Variants in NELL2 observed in about 807,000 individuals in gnomAD.
The protein encoded by NELL2 is protein kinase C-binding protein NELL2.
A neutral mutation model predicts 109.6 loss-of-function variants in NELL2; 41 were observed. The observed-to-expected ratio is 0.37, with a 90% CI of 0.29 to 0.49. The LOEUF (loss-of-function observed/expected upper bound fraction) is 0.49. Among genes scored for constraint, NELL2 ranks in the 20% least tolerant of loss-of-function variants. The pLI is 0.98. For missense variants in NELL2, 900 were observed against 1,008.3 expected, an observed-to-expected ratio of 0.89 and a Z score of 1.45; for synonymous variants, 355 against 344.7, an observed-to-expected ratio of 1.03 and a Z score of -0.33.
intron 2 of NELL2, among the ~76,000 whole-genome samples, chr12:44,822,928 A>T (rs1261652430): frequency 6.6e-6 from 1 of 152,104 alleles, no homozygotes. Flanking sequence ...ATACATAGTT[A>T]ACAAAGAAAG....
chr12:44,613,928 C>G (rs1011090258), intron 13 of NELL2, among the ~76,000 whole-genome samples: 2 of 151,968 alleles, frequency 1.3e-5, no homozygotes, highest in African/African-American at 2.4e-5. Flanking sequence ...CTAGTACTTC[C>G]TCCAATACTT....
At chr12:44,772,158 T>C (rs1941576398) in intron 9 of NELL2, among the ~76,000 whole-genome samples, 1 of 152,158 alleles carries the variant, frequency 6.6e-6, no homozygotes, top group African/African-American at 2.4e-5. Context: ...GTAAAAAACA[T>C]AGGAATTTAC....
intron 15 of NELL2, among the ~76,000 whole-genome samples, chr12:44,537,712 T>A (rs1942359925): frequency 6.6e-6 from 1 of 152,158 alleles, no homozygotes; most frequent in Non-Finnish European, 1.5e-5. Context: ...ACATTTTTTT[T>A]AATCAAAAGG....
chr12:44,778,936 A>G (rs1264768357), intron 5 of NELL2, among the ~76,000 whole-genome samples: 1 of 152,206 alleles, frequency 6.6e-6, no homozygotes, highest in Non-Finnish European at 1.5e-5. Context: ...CTACCTTGAA[A>G]TCTATGAGTT....
At chr12:44,921,395 A>G (rs1389590785) in intron 1 of NELL2, among the ~76,000 whole-genome samples, 1 of 152,184 alleles carries the variant, frequency 6.6e-6, no homozygotes, top group African/African-American at 2.4e-5. Flanking sequence ...GCAGAGGTCT[A>G]TAACAAGTTC....
chr12:44,867,540 G>T (rs1205010395), intron 2 of NELL2, among the ~76,000 whole-genome samples: 2 of 152,162 alleles, frequency 1.3e-5, no homozygotes, highest in Admixed American at 1.3e-4. Context: ...GTAAAAAGTT[G>T]AAAGTTTTTC....
chr12:44,631,820 C>A (rs1946466570), intron 13 of NELL2, among the ~76,000 whole-genome samples: 1 of 152,096 alleles, frequency 6.6e-6, no homozygotes, highest in South Asian at 2.1e-4. Context: ...CATTTCTCAA[C>A]TTATTCTGTC....
intron 2 of NELL2, among the ~76,000 whole-genome samples, chr12:44,845,699 G>C (rs967878856): frequency 6.6e-6 from 1 of 152,120 alleles, no homozygotes; most frequent in Non-Finnish European, 1.5e-5. Context: ...ATTAAGATTT[G>C]GAACTTTGTG....
At chr12:44,539,016 T>C (rs1263077088) in intron 15 of NELL2, among the ~76,000 whole-genome samples, 1 of 152,190 alleles carries the variant, frequency 6.6e-6, no homozygotes, top group African/African-American at 2.4e-5. Flanking sequence ...ATCTGTCCCA[T>C]ACTAAAATTA....
At chr12:44,605,853 T>C (rs773003848) in intron 15 of NELL2, among the ~76,000 whole-genome samples, 4 of 152,110 alleles carry the variant, frequency 2.6e-5, no homozygotes, top group Non-Finnish European at 5.9e-5. Context: ...CCTTGATGTG[T>C]AGGGGCAAAC....
chr12:44,844,000 T>C (rs1959194147), intron 2 of NELL2, among the ~76,000 whole-genome samples: 1 of 152,106 alleles, frequency 6.6e-6, no homozygotes, highest in African/African-American at 2.4e-5. Context: ...CCAGCCTGGG[T>C]GACAGAGTGA....
intron 12 of NELL2, among the ~76,000 whole-genome samples, chr12:44,685,583 C>T (rs1423180295): frequency 6.6e-6 from 1 of 152,028 alleles, no homozygotes; most frequent in Non-Finnish European, 1.5e-5. Context: ...TTAGCGCTTC[C>T]TTCAGGAGCT....
At chr12:44,574,323 A>T (rs2136199966) in intron 15 of NELL2, among the ~76,000 whole-genome samples, 1 of 152,244 alleles carries the variant, frequency 6.6e-6, no homozygotes, top group Middle Eastern at 3.4e-3. Context: ...TACAAATTAT[A>T]ATTACAAAAA....
In NELL2 at chr12:44,714,672, A is replaced by ACTCCAGAAG; in HGVS notation, c.1055_1063dup (p.Gly354_Val355insAlaSerGly). ...TACCTTGCACTCATAGAGAACACAT[A>ACTCCAGAAG]CTCCAGAAGAGGAATAGACTGTATT... On this transcript the variant is annotated inframe_insertion, in exon 10 of 20. Transcript: ENST00000429094. 8.8e-6 allele frequency: 14 copies of ACTCCAGAAG among 1,597,186 alleles called. No individual in the cohort carries two copies. The highest frequency in any genetic ancestry group is 1.2e-5 in the Non-Finnish European group (14 of 1,173,912).
chr12:44,570,677 G>GA (rs1242208197), intron 15 of NELL2, among the ~76,000 whole-genome samples: 1 of 152,070 alleles, frequency 6.6e-6, no homozygotes, highest in East Asian at 1.9e-4. Context: ...CTTATATCCT[G>GA]ATTTTCTGGT....
intron 13 of NELL2, among the ~76,000 whole-genome samples, chr12:44,654,324 C>G (rs949083144): frequency 6.6e-5 from 10 of 152,134 alleles, no homozygotes; most frequent in Non-Finnish European, 1.5e-4. Context: ...TTTTACTACT[C>G]TAACTCTCTC....
chr12:44,756,541 G>A (rs1202972765), intron 9 of NELL2, among the ~76,000 whole-genome samples: 2 of 151,904 alleles, frequency 1.3e-5, no homozygotes, highest in African/African-American at 4.8e-5. Context: ...CTAATCTGGC[G>A]TCCTTTTCCA....
chr12:44,610,810 T>C lies in NELL2; in HGVS notation c.1567+38A>G, dbSNP rs1193057343. ...AGGAAGGTAGAGATGGATGGCATTA[T>C]ACATAATGGAAGAGGCACTGGCATT... On this transcript the variant is annotated intron_variant, in intron 14 of 19. Coordinates refer to ENST00000429094, the MANE Select transcript of NELL2 (RefSeq NM_001145108.2). 5 of 1,611,848 alleles carry C rather than the reference T, an allele frequency of 3.1e-6. No homozygotes were observed. In the South Asian group the frequency reaches 3.3e-5, roughly 11 times the overall value.
rs954291780 is a variant in NELL2, at chr12:44,703,596, A to T, written c.1318+130T>A. 1.8e-5 allele frequency: 17 copies of T among 936,910 alleles called. 1 individual carries two copies. In the South Asian group the frequency reaches 2.0e-4, roughly 11 times the overall value. 58.0% of individuals were successfully genotyped at this position (936,910 alleles called of 1,614,324 possible). A position where few individuals can be genotyped will look rare whatever the true frequency, so the allele number is the denominator to read the frequency against. On this transcript the variant is annotated intron_variant, in intron 12 of 19. Transcript: ENST00000429094. ...AAAGATAATTATTTTTAGCTGATTA[A>T]TATGCTTCAAATTAAATTCACTGCT...
Sources: gnomAD v4.1 joint callset for allele counts (sites outside exome capture counted in the v4.1 genomes callset) on GRCh38, gnomAD v4.1.1 for gene constraint, MANE v1.5 for transcripts, NCBI Gene and HGNC (gene_info 2026-07-23, HGNC 2026-07-21) for gene names.